Variants in SLC24A2 observed in about 807,000 individuals in gnomAD.
SLC24A2 encodes the protein solute carrier family 24 member 2.
SLC24A2 carries 36 observed loss-of-function variants against 62.0 expected under a neutral mutation model. The ratio of observed to expected loss-of-function variants is 0.58; its 90% CI spans 0.44 to 0.77. The LOEUF is 0.77. SLC24A2 is among the 30% of genes least tolerant of loss of function. SLC24A2 has a pLI of 0.00. For missense variants in SLC24A2, 846 were observed against 817.9 expected (o/e 1.03, Z -0.42); for synonymous variants, 358 against 294.0 (o/e 1.22, Z -2.23).
At chr9:20,131,216 G>A in the SLC24A2 span, among the ~76,000 whole-genome samples, 1 of 152,054 alleles carries the variant, frequency 6.6e-6, no homozygotes, top group African/African-American at 2.4e-5. Flanking sequence ...GATCTCCAAA[G>A]GCCACAATAT....
the SLC24A2 span, among the ~76,000 whole-genome samples, chr9:20,142,172 CTG>C: frequency 1.9e-4 from 29 of 152,154 alleles, no homozygotes; most frequent in Non-Finnish European, 3.7e-4. Context: ...GAGATTCTTA[CTG>C]TATGTTAACA....
the SLC24A2 span, among the ~76,000 whole-genome samples, chr9:20,273,170 T>C: frequency 1.3e-5 from 2 of 152,274 alleles, no homozygotes; most frequent in East Asian, 1.9e-4. Flanking sequence ...CCCCAAAATA[T>C]GGCTTCCTGG....
the SLC24A2 span, among the ~76,000 whole-genome samples, chr9:19,981,917 C>G: frequency 1.3e-5 from 2 of 152,168 alleles, no homozygotes; most frequent in Non-Finnish European, 2.9e-5. Flanking sequence ...TCTCCCTACC[C>G]ACTATGAGAT....
chr9:19,900,783 C>A, the SLC24A2 span, among the ~76,000 whole-genome samples: 1 of 152,156 alleles, frequency 6.6e-6, no homozygotes, highest in Non-Finnish European at 1.5e-5. Context: ...CTACTCTATT[C>A]TCTTACTAAC....
chr9:20,157,241 G>C, the SLC24A2 span, among the ~76,000 whole-genome samples: 1 of 151,222 alleles, frequency 6.6e-6, no homozygotes, highest in Non-Finnish European at 1.5e-5. Flanking sequence ...CTACAAACTG[G>C]AGGATCAATA....
chr9:20,189,252 T>A, the SLC24A2 span, among the ~76,000 whole-genome samples: 1 of 152,092 alleles, frequency 6.6e-6, no homozygotes, highest in African/African-American at 2.4e-5. Flanking sequence ...CCAAAGGCAT[T>A]TCTAGCCTAA....
the SLC24A2 span, among the ~76,000 whole-genome samples, chr9:20,187,203 A>G: frequency 6.6e-6 from 1 of 152,152 alleles, no homozygotes; most frequent in African/African-American, 2.4e-5. Context: ...AATGGAACAG[A>G]TCTTGGCTGA....
chr9:19,680,457 T>C (rs996640440), intron 2 of SLC24A2, among the ~76,000 whole-genome samples: 1 of 152,088 alleles, frequency 6.6e-6, no homozygotes, highest in African/African-American at 2.4e-5. Flanking sequence ...GAGGTTTGGG[T>C]CTGCCACAGC....
At chr9:19,960,434 A>G in the SLC24A2 span, among the ~76,000 whole-genome samples, 4 of 152,152 alleles carry the variant, frequency 2.6e-5, no homozygotes, top group East Asian at 1.9e-4. Context: ...TTGGAAACCA[A>G]TGAGGTGGAA....
the SLC24A2 span, among the ~76,000 whole-genome samples, chr9:20,222,565 A>G: frequency 6.6e-6 from 1 of 152,190 alleles, no homozygotes; most frequent in Middle Eastern, 3.4e-3. Flanking sequence ...GTTAAAAGAA[A>G]AGGATATATT....
intron 2 of SLC24A2, among the ~76,000 whole-genome samples, chr9:19,622,823 T>C (rs1193795382): frequency 6.6e-6 from 1 of 152,134 alleles, no homozygotes; most frequent in Non-Finnish European, 1.5e-5. Flanking sequence ...ATTTTCTATA[T>C]GTTTTGGGGG....
chr9:20,193,340 A>G, the SLC24A2 span, among the ~76,000 whole-genome samples: 3 of 152,048 alleles, frequency 2.0e-5, no homozygotes, highest in Non-Finnish European at 4.4e-5. Context: ...TTAAAATGGT[A>G]CCTGGCTAGA....
the SLC24A2 span, among the ~76,000 whole-genome samples, chr9:19,820,314 G>C: frequency 6.7e-6 from 1 of 150,118 alleles, no homozygotes; most frequent in African/African-American, 2.4e-5. Context: ...AGGGAGAAAA[G>C]ACTACAAATA....
chr9:20,271,207 C>T, the SLC24A2 span, among the ~76,000 whole-genome samples: 10 of 152,312 alleles, frequency 6.6e-5, no homozygotes, highest in African/African-American at 2.4e-4. Context: ...TGCCCTATTT[C>T]GAAGATGTTG....
At chr9:20,296,080 A>C in the SLC24A2 span, among the ~76,000 whole-genome samples, 1 of 152,216 alleles carries the variant, frequency 6.6e-6, no homozygotes, top group Non-Finnish European at 1.5e-5. Flanking sequence ...TTAATGGTGA[A>C]AGATAAAAGT....
the SLC24A2 span, among the ~76,000 whole-genome samples, chr9:20,048,783 T>C: frequency 6.6e-6 from 1 of 151,914 alleles, no homozygotes; most frequent in African/African-American, 2.4e-5. Context: ...TGTGAAAAGA[T>C]TTTATAAGTA....
At chr9:20,285,744 C>T in the SLC24A2 span, among the ~76,000 whole-genome samples, 1 of 152,148 alleles carries the variant, frequency 6.6e-6, no homozygotes, top group Non-Finnish European at 1.5e-5. Context: ...AAGGTTCAAA[C>T]ATTACGATCA....
At chr9:19,842,637 G>C in the SLC24A2 span, among the ~76,000 whole-genome samples, 1 of 152,124 alleles carries the variant, frequency 6.6e-6, no homozygotes, top group Non-Finnish European at 1.5e-5. Flanking sequence ...CTCCAAGGGG[G>C]GGATGTTCCC....
At chr9:19,978,072 A>C in the SLC24A2 span, among the ~76,000 whole-genome samples, 1 of 152,058 alleles carries the variant, frequency 6.6e-6, no homozygotes, top group Non-Finnish European at 1.5e-5. Context: ...GGGTGTTCAG[A>C]CTTAGATTTA....
Sources: gnomAD v4.1 joint callset for allele counts (sites outside exome capture counted in the v4.1 genomes callset) on GRCh38, gnomAD v4.1.1 for gene constraint, MANE v1.5 for transcripts, NCBI Gene and HGNC (gene_info 2026-07-23, HGNC 2026-07-21) for gene names.